GRIK2: variants seen among roughly 807,000 people sequenced by gnomAD.
GRIK2 encodes the protein glutamate ionotropic receptor kainate type subunit 2, also known as glutamate receptor ionotropic, kainate 2.
Under a neutral mutation model 100.3 loss-of-function variants are expected in GRIK2, and 32 were observed. The observed-to-expected ratio is 0.32, with a 90% CI of 0.24 to 0.43. The LOEUF (loss-of-function observed/expected upper bound fraction) is 0.43. GRIK2 is among the 20% of genes least tolerant of loss of function. The probability of loss-of-function intolerance (pLI) is 1.00; values close to 1 mark genes in which losing one functional copy is unlikely to be tolerated. For synonymous variants in GRIK2, 417 were observed against 389.4 expected (o/e 1.07, Z -0.83); for missense variants, 843 against 1,114.9 (o/e 0.76, Z 3.47).
At chr6:101,450,900 G>A (rs1341616900) in intron 2 of GRIK2, among the ~76,000 whole-genome samples, 1 of 151,576 alleles carries the variant, frequency 6.6e-6, no homozygotes, top group Non-Finnish European at 1.5e-5. Context: ...TGTGATATTT[G>A]GTGAAACATT....
chr6:101,649,134 A>G (rs948091814), intron 4 of GRIK2, among the ~76,000 whole-genome samples: 1 of 152,100 alleles, frequency 6.6e-6, no homozygotes, highest in African/African-American at 2.4e-5. Flanking sequence ...AGTACTTACC[A>G]GAATCATTCT....
intron 2 of GRIK2, among the ~76,000 whole-genome samples, chr6:101,551,710 A>C (rs920292236): frequency 6.6e-6 from 1 of 152,164 alleles, no homozygotes. Flanking sequence ...AGAGTTCAGC[A>C]CTGAGACGTG....
At chr6:101,838,819 T>C (rs1783314468) in intron 10 of GRIK2, among the ~76,000 whole-genome samples, 1 of 151,780 alleles carries the variant, frequency 6.6e-6, no homozygotes, top group South Asian at 2.1e-4. Context: ...GCCTGGCTAA[T>C]TTTTTGTATT....
chr6:101,709,794 T>C (rs1856134), intron 7 of GRIK2, among the ~76,000 whole-genome samples: 14,590 of 151,758 alleles, frequency 0.096, 752 homozygotes, highest in Admixed American at 0.12. Context: ...ATCATATGTT[T>C]CTATTTTCTG....
chr6:101,891,562 G>A, intron 12 of GRIK2: 1 of 347,532 alleles, frequency 2.9e-6, no homozygotes, highest in Non-Finnish European at 5.5e-6. Context: ...TTATATATTT[G>A]CACACAGATA....
chr6:101,586,919 A>G (rs1283106482), intron 2 of GRIK2, among the ~76,000 whole-genome samples: 4 of 148,854 alleles, frequency 2.7e-5, no homozygotes, highest in Admixed American at 6.7e-5. Flanking sequence ...AAAAAGAGAG[A>G]TATCAAAAAC....
rs1040258021 is a variant in GRIK2, at chr6:102,024,740, G to C, written c.2086-10601G>C. Among the ~76,000 whole-genome samples the C allele has an allele frequency of 4.6e-5, 7 of 151,076 alleles. No individual in the cohort carries two copies. The Admixed American group carries it at 4.6e-4, about 10-fold the overall frequency. Reference sequence around the variant, plus strand: ...TAGAATTTAAAATTATTTATGTAGAGCAATAATGTGGCTATCCTTCTATTT... The same window carrying C: ...TAGAATTTAAAATTATTTATGTAGACCAATAATGTGGCTATCCTTCTATTT... On this transcript the variant is annotated intron_variant, in intron 14 of 16. Coordinates refer to ENST00000369134, the MANE Select transcript of GRIK2 (RefSeq NM_021956.5).
intron 11 of GRIK2, among the ~76,000 whole-genome samples, chr6:101,876,543 T>A (rs546397311): frequency 6.6e-6 from 1 of 150,602 alleles, no homozygotes; most frequent in African/African-American, 2.4e-5. Flanking sequence ...GCAGCACCAT[T>A]CAGGGCCCAC....
intron 14 of GRIK2, among the ~76,000 whole-genome samples, chr6:101,972,831 G>A (rs1338455947): frequency 2.6e-5 from 4 of 151,768 alleles, no homozygotes; most frequent in Non-Finnish European, 4.4e-5. Flanking sequence ...GTTTTTGTCA[G>A]CTTTGTTGAA....
chr6:101,573,195 T>C (rs1042103999), intron 2 of GRIK2, among the ~76,000 whole-genome samples: 3 of 152,134 alleles, frequency 2.0e-5, no homozygotes, highest in Non-Finnish European at 4.4e-5. Context: ...TGTCTGGTGG[T>C]GCTTAGTGAA....
intron 4 of GRIK2, among the ~76,000 whole-genome samples, chr6:101,660,491 T>C (rs1237544131): frequency 6.6e-6 from 1 of 152,210 alleles, no homozygotes; most frequent in Non-Finnish European, 1.5e-5. Flanking sequence ...ATCAAACTCA[T>C]TCTCTTCCAG....
chr6:101,827,432 A>T (rs1482492174), intron 10 of GRIK2, among the ~76,000 whole-genome samples: 1 of 151,858 alleles, frequency 6.6e-6, no homozygotes, highest in African/African-American at 2.4e-5. Context: ...CTGGCATACT[A>T]TTTGTTTTTG....
intron 2 of GRIK2, among the ~76,000 whole-genome samples, chr6:101,483,380 A>T (rs903132704): frequency 1.7e-4 from 26 of 152,210 alleles, no homozygotes; most frequent in African/African-American, 6.3e-4. Flanking sequence ...TATGATTAGT[A>T]GTGGGTTCAA....
At chr6:101,526,268 C>T (rs1195218525) in intron 2 of GRIK2, among the ~76,000 whole-genome samples, 1 of 152,080 alleles carries the variant, frequency 6.6e-6, no homozygotes, top group African/African-American at 2.4e-5. Flanking sequence ...TAACACAATT[C>T]ATGATTTGGC....
chr6:101,924,070 T>C (rs559763914), intron 12 of GRIK2, among the ~76,000 whole-genome samples: 1 of 152,190 alleles, frequency 6.6e-6, no homozygotes, highest in African/African-American at 2.4e-5. Flanking sequence ...AGAGTTGAGA[T>C]TTTACACATA....
chr6:101,666,072 C>T (rs1167445869), intron 4 of GRIK2, among the ~76,000 whole-genome samples: 2 of 152,176 alleles, frequency 1.3e-5, no homozygotes, highest in African/African-American at 2.4e-5. Flanking sequence ...TCACTTCTGA[C>T]ACCAGTTGCA....
In GRIK2 at chr6:101,494,095, C is replaced by A. The variant is rs572589021; in HGVS notation, c.115+94703C>A. Among the ~76,000 whole-genome samples, 9 of 148,188 alleles carry A rather than the reference C, an allele frequency of 6.1e-5. No homozygotes were observed. In the South Asian group the frequency reaches 1.9e-3, roughly 31 times the overall value. Reference sequence around the variant, plus strand: ...GCAATTTATAAATGTTATTTATATACACAGCAGAAACAGTTTTATTAGTAT... The same window carrying A: ...GCAATTTATAAATGTTATTTATATAAACAGCAGAAACAGTTTTATTAGTAT... On this transcript the variant is annotated intron_variant, in intron 2 of 16. Transcript: ENST00000369134.
chr6:101,667,594 A>T (rs537449380), intron 4 of GRIK2, among the ~76,000 whole-genome samples: 1 of 152,138 alleles, frequency 6.6e-6, no homozygotes, highest in African/African-American at 2.4e-5. Context: ...TCCTGCTGGA[A>T]TTCTATTTAT....
intron 2 of GRIK2, among the ~76,000 whole-genome samples, chr6:101,607,841 GAATGATTA>G (rs557977157): frequency 5.7e-4 from 86 of 151,766 alleles, no homozygotes; most frequent in African/African-American, 2.1e-3. Flanking sequence ...TTCCCAAAAT[GAATGATTA>G]GTTGAAGACC....
Sources: allele counts gnomAD v4.1 joint callset (sites outside exome capture counted in the v4.1 genomes callset), GRCh38; gene constraint gnomAD v4.1.1; transcripts MANE v1.5; gene names NCBI Gene and HGNC (gene_info 2026-07-23, HGNC 2026-07-21).